The following ADCY1 variants were observed in gnomAD, a reference collection of about 807,000 sequenced individuals.
The protein encoded by ADCY1 is adenylate cyclase type 1.
ADCY1 carries 28 observed loss-of-function variants against 105.4 expected under a neutral mutation model. The ratio of observed to expected loss-of-function variants is 0.27; its 90% CI spans 0.20 to 0.36. The LOEUF (loss-of-function observed/expected upper bound fraction) is 0.36. ADCY1 is among the 10% of genes least tolerant of loss of function. ADCY1 has a pLI of 1.00. For missense variants in ADCY1, 977 were observed against 1,434.2 expected, an observed-to-expected ratio of 0.68 and a Z score of 5.15; for synonymous variants, 655 against 623.8, an observed-to-expected ratio of 1.05 and a Z score of -0.75.
intron 8 of ADCY1, among the ~76,000 whole-genome samples, chr7:45,672,536 A>T (rs1784385885): frequency 6.6e-6 from 1 of 151,834 alleles, no homozygotes; most frequent in Admixed American, 6.6e-5. Context: ...GTGTTTTGTT[A>T]GATTTACATC....
At chr7:45,624,111 A>G (rs1388362521) in intron 4 of ADCY1, among the ~76,000 whole-genome samples, 1 of 152,156 alleles carries the variant, frequency 6.6e-6, no homozygotes, top group African/African-American at 2.4e-5. Context: ...TGCTCCCTTA[A>G]TGAAGGAGGG....
At chr7:45,590,261 A>T (rs1420803330) in intron 1 of ADCY1, among the ~76,000 whole-genome samples, 1 of 152,168 alleles carries the variant, frequency 6.6e-6, no homozygotes, top group Non-Finnish European at 1.5e-5. Context: ...ATCTAAGCCC[A>T]TTGTGTTCCA....
intron 4 of ADCY1, among the ~76,000 whole-genome samples, chr7:45,648,403 G>C (rs1050195156): frequency 2.0e-5 from 3 of 152,392 alleles, no homozygotes; most frequent in African/African-American, 7.2e-5. Flanking sequence ...CAGTGAAGCA[G>C]ACAGGAGGGA....
chr7:45,633,799 G>C (rs1364117469), intron 4 of ADCY1, among the ~76,000 whole-genome samples: 6 of 84,014 alleles, frequency 7.1e-5, no homozygotes, highest in African/African-American at 3.0e-4. Context: ...AGACATCATC[G>C]CAAAAAAAAA....
chr7:45,596,134 T>C (rs57230655), intron 2 of ADCY1, among the ~76,000 whole-genome samples: 1,946 of 152,362 alleles, frequency 0.013, 30 homozygotes, highest in African/African-American at 0.033. Flanking sequence ...TGCCCAGGCC[T>C]CATGTGTGTC....
chr7:45,659,759 TTC>T (rs201006324), intron 6 of ADCY1, among the ~76,000 whole-genome samples: 5 of 148,384 alleles, frequency 3.4e-5, no homozygotes, highest in African/African-American at 7.5e-5. Flanking sequence ...GATGTATTCT[TTC>T]TCTCTCTCTC....
chr7:45,646,950 C>T (rs1424123009), intron 4 of ADCY1, among the ~76,000 whole-genome samples: 1 of 152,260 alleles, frequency 6.6e-6, no homozygotes, highest in Non-Finnish European at 1.5e-5. Context: ...AGGCTGGCCT[C>T]AGTGTCCATC....
At chr7:45,620,230 A>G (rs1308154558) in intron 3 of ADCY1, among the ~76,000 whole-genome samples, 1 of 152,186 alleles carries the variant, frequency 6.6e-6, no homozygotes, top group East Asian at 1.9e-4. Context: ...TTGTGGTTAT[A>G]GGGTCTTGGG....
intron 2 of ADCY1, among the ~76,000 whole-genome samples, chr7:45,594,824 C>G (rs151194843): frequency 4.3e-4 from 65 of 152,298 alleles, no homozygotes; most frequent in Non-Finnish European, 8.2e-4. Flanking sequence ...GTCACCCAAT[C>G]CAGTTAACCC....
At chr7:45,673,856 T>C (rs984347860) in intron 8 of ADCY1, among the ~76,000 whole-genome samples, 25 of 151,522 alleles carry the variant, frequency 1.6e-4, no homozygotes, top group African/African-American at 5.8e-4. Context: ...AGATTATTGA[T>C]TTGAGACTTT....
At position 45,722,032 on chromosome 7, in the gene ADCY1, G is replaced by A. The variant is rs1785484163; in HGVS notation, c.*8037G>A. The A allele has an allele frequency of 2.6e-6, 1 of 391,194 alleles. No individual in the cohort carries two copies. The highest frequency in any genetic ancestry group is 2.1e-5 in the African/African-American group (1 of 48,548). 24.2% of individuals were successfully genotyped at this position (391,194 alleles called of 1,614,324 possible). A position where few individuals can be genotyped will look rare whatever the true frequency, so the allele number is the denominator to read the frequency against. The stretch of plus-strand genomic sequence containing the variant: ...GGCATCCACCTCCCAGGTGAGGGCA[G>A]TGGGAAGCTGGCCCGACGGCAGCCA... On this transcript the variant is annotated 3_prime_UTR_variant, in exon 20 of 20. Coordinates refer to ENST00000297323, the MANE Select transcript of ADCY1 (RefSeq NM_021116.4).
chr7:45,695,074 G>T (rs1165042699), intron 14 of ADCY1, among the ~76,000 whole-genome samples: 1 of 152,216 alleles, frequency 6.6e-6, no homozygotes, highest in Non-Finnish European at 1.5e-5. Context: ...AGACCCCTAG[G>T]CTCCACAGGC....
chr7:45,594,731 G>C (rs1248602280), intron 2 of ADCY1, among the ~76,000 whole-genome samples: 1 of 152,156 alleles, frequency 6.6e-6, no homozygotes, highest in Admixed American at 6.5e-5. Flanking sequence ...TATGGAGGAG[G>C]CAGTCCACAC....
intron 8 of ADCY1, among the ~76,000 whole-genome samples, chr7:45,663,133 C>A (rs1022016664): frequency 6.6e-5 from 10 of 152,354 alleles, no homozygotes; most frequent in Non-Finnish European, 1.2e-4. Flanking sequence ...AGAGCAGCCC[C>A]AACCTGCAGC....
In ADCY1 at chr7:45,713,982, G is replaced by A. The variant is rs1291782342; in HGVS notation, c.3347G>A (p.Gly1116Glu). 8 of 776,252 alleles carry A rather than the reference G, an allele frequency of 1.0e-5. No individual in the cohort carries two copies. The highest frequency in any genetic ancestry group is 5.1e-5 in the African/African-American group (3 of 59,090). The allele number at this position is 776,252 out of a possible 1,614,324, so 48.1% of individuals were successfully genotyped here. A position where few individuals can be genotyped will look rare whatever the true frequency, so the allele number is the denominator to read the frequency against. ...CAGTACCTGCCCTCTGCAGCAGCTGGGAAGGAGGCTTAGTGGAGCCCACGT... is the reference window on the plus strand; with the variant it reads ...CAGTACCTGCCCTCTGCAGCAGCTGAGAAGGAGGCTTAGTGGAGCCCACGT... ...PGQYLPSAAA[G>E]KEA is the part of the protein sequence containing the mutation. Residue 1116 changes from glycine to glutamate, a missense_variant, in exon 20 of 20, where the codon GGG (glycine) becomes GAG (glutamate). Physicochemically the swap from Gly to Glu is moderately conservative, Grantham distance 98 (BLOSUM62 -2). Around this residue, in one of 7 missense-constraint regions of ADCY1, gnomAD observed 78 missense variants for 60.0 expected, o/e 1.30. Coordinates refer to ENST00000297323, the MANE Select transcript of ADCY1 (RefSeq NM_021116.4).
intron 1 of ADCY1, among the ~76,000 whole-genome samples, chr7:45,578,979 C>T (rs1368886870): frequency 1.3e-5 from 2 of 152,144 alleles, no homozygotes; most frequent in Non-Finnish European, 2.9e-5. Context: ...TCTGTTCTGC[C>T]GAGTTCTTAG....
chr7:45,666,669 T>TGG (rs1784264030), intron 8 of ADCY1, among the ~76,000 whole-genome samples: 1 of 152,156 alleles, frequency 6.6e-6, no homozygotes, highest in East Asian at 1.9e-4. Context: ...GGTCAAATGG[T>TGG]ATTTCTAGTT....
intron 1 of ADCY1, among the ~76,000 whole-genome samples, chr7:45,578,209 AG>A: frequency 6.6e-6 from 1 of 152,150 alleles, no homozygotes; most frequent in East Asian, 1.9e-4. Flanking sequence ...GCTAGGGCTT[AG>A]CTCCTCCCCC....
chr7:45,592,717 G>A lies in ADCY1; in HGVS notation c.640-42G>A, dbSNP rs79856459. 686 of 1,612,502 alleles carry A rather than the reference G, an allele frequency of 4.3e-4. 3 individuals are homozygous for A. The African/African-American group carries it at 7.6e-3, about 18-fold the overall frequency. On this transcript the variant is annotated intron_variant, in intron 1 of 19. Transcript: ENST00000297323. ...CGGCCTAGGCCCTCTTTGTGTGTGT[G>A]GGATGTCAGGCTCCACATGTTGCCT...
Sources: gnomAD v4.1 joint callset for allele counts (sites outside exome capture counted in the v4.1 genomes callset) on GRCh38, gnomAD v4.1.1 for gene constraint, gnomAD v4.1.1 regional missense constraint, MANE v1.5 for transcripts, NCBI Gene and HGNC (gene_info 2026-07-23, HGNC 2026-07-21) for gene names.